Variants in PDE4D observed in about 807,000 individuals in gnomAD.
PDE4D encodes the protein 3',5'-cyclic-AMP phosphodiesterase 4D.
PDE4D carries 24 observed loss-of-function variants against 87.4 expected under a neutral mutation model. The ratio of observed to expected loss-of-function variants is 0.27; its 90% CI spans 0.20 to 0.39. The LOEUF (loss-of-function observed/expected upper bound fraction) is 0.39, where lower values mean the gene tolerates loss of function less well. Ranked by LOEUF, PDE4D falls within the 10% of genes least tolerant of loss-of-function variation. PDE4D has a pLI of 1.00. For synonymous variants in PDE4D, 384 were observed against 383.2 expected (o/e 1.00, Z -0.02); for missense variants, 714 against 1,041.0 (o/e 0.69, Z 4.32).
chr5:59,548,877 C>CT (rs1220283016), intron 1 of PDE4D, among the ~76,000 whole-genome samples: 1 of 152,098 alleles, frequency 6.6e-6, no homozygotes, highest in East Asian at 1.9e-4. Context: ...CCCACTAGAA[C>CT]TTTTTTCTGC....
At chr5:60,369,766 C>T (rs998862129) in intron 1 of PDE4D, among the ~76,000 whole-genome samples, 2 of 152,082 alleles carry the variant, frequency 1.3e-5, no homozygotes. Context: ...AGGACGAAGA[C>T]CATATAAGAC....
At chr5:59,921,971 G>C (rs1194956111) in intron 3 of PDE4D, among the ~76,000 whole-genome samples, 1 of 152,170 alleles carries the variant, frequency 6.6e-6, no homozygotes, top group African/African-American at 2.4e-5. Context: ...AGTCTTGAAT[G>C]GCCGATGCCA....
chr5:59,771,938 G>T (rs939485730), intron 1 of PDE4D, among the ~76,000 whole-genome samples: 1 of 152,112 alleles, frequency 6.6e-6, no homozygotes, highest in Non-Finnish European at 1.5e-5. Context: ...TTCTTTACAG[G>T]TCCCCATATC....
chr5:60,107,151 T>C (rs868794479), intron 2 of PDE4D, among the ~76,000 whole-genome samples: 9 of 151,428 alleles, frequency 5.9e-5, no homozygotes, highest in Admixed American at 6.6e-5. Flanking sequence ...ATCAAATAGA[T>C]GCAATAAAAA....
chr5:59,334,818 A>G (rs1777389606), intron 1 of PDE4D, among the ~76,000 whole-genome samples: 1 of 152,084 alleles, frequency 6.6e-6, no homozygotes, highest in Admixed American at 6.5e-5. Context: ...AATTAATTAC[A>G]TTCTGTGTGT....
At chr5:59,150,743 C>T (rs1186451739) in intron 5 of PDE4D, among the ~76,000 whole-genome samples, 2 of 152,130 alleles carry the variant, frequency 1.3e-5, no homozygotes, top group African/African-American at 4.8e-5. Flanking sequence ...TGGAAAGTTA[C>T]CTCATTGTAT....
chr5:59,379,459 G>T, intron 1 of PDE4D, among the ~76,000 whole-genome samples: 1 of 151,018 alleles, frequency 6.6e-6, no homozygotes, highest in East Asian at 1.9e-4. Context: ...TTGTAAATCT[G>T]GCTCATTTTC....
At chr5:59,082,282 G>T (rs1054398637) in intron 5 of PDE4D, among the ~76,000 whole-genome samples, 15 of 152,100 alleles carry the variant, frequency 9.9e-5, no homozygotes, top group Non-Finnish European at 1.8e-4. Flanking sequence ...AATTAACAAT[G>T]AAATCAGAAA....
intron 2 of PDE4D, among the ~76,000 whole-genome samples, chr5:60,062,000 G>T (rs1582450471): frequency 1.3e-5 from 2 of 152,190 alleles, no homozygotes; most frequent in East Asian, 3.9e-4. Flanking sequence ...CACGACATAG[G>T]CATGGGCAAA....
chr5:59,250,051 C>G (rs1759614449), intron 1 of PDE4D, among the ~76,000 whole-genome samples: 1 of 151,626 alleles, frequency 6.6e-6, no homozygotes, highest in African/African-American at 2.4e-5. Context: ...TGCTTTGTTG[C>G]CAGGCTGGTC....
At chr5:59,595,690 ACT>A (rs977921568) in intron 1 of PDE4D, among the ~76,000 whole-genome samples, 9 of 151,000 alleles carry the variant, frequency 6.0e-5, no homozygotes, top group Non-Finnish European at 8.9e-5. Flanking sequence ...TCTCTTTAAA[ACT>A]CTTGTGATGA....
At chr5:59,649,903 A>T (rs199872622) in intron 1 of PDE4D, among the ~76,000 whole-genome samples, 792 of 20,216 alleles carry the variant, frequency 0.039, 79 homozygotes, top group East Asian at 0.27. Flanking sequence ...TAGTTTGTGA[A>T]CCTTTTTTTT....
At chr5:59,193,703 T>C in intron 2 of PDE4D, 167 bp from the exon 3 acceptor site, 2 of 985,372 alleles carry the variant, frequency 2.0e-6, no homozygotes, top group Non-Finnish European at 2.4e-6. Flanking sequence ...GTTAAAAATA[T>C]GTCTTCTGGG....
At chr5:59,424,997 A>C (rs1794997403) in intron 1 of PDE4D, among the ~76,000 whole-genome samples, 1 of 152,232 alleles carries the variant, frequency 6.6e-6, no homozygotes, top group African/African-American at 2.4e-5. Context: ...CTGGAGCTAC[A>C]ATAATGTATT....
intron 5 of PDE4D, among the ~76,000 whole-genome samples, chr5:59,056,903 A>G (rs1198303029): frequency 1.3e-5 from 2 of 151,974 alleles, no homozygotes; most frequent in African/African-American, 4.8e-5. Context: ...AAGGGAGTGA[A>G]GAGAACCCAG....
At chr5:60,295,117 G>C (rs893321179) in intron 1 of PDE4D, among the ~76,000 whole-genome samples, 1 of 151,786 alleles carries the variant, frequency 6.6e-6, no homozygotes, top group Admixed American at 6.6e-5. Flanking sequence ...CTATTTTCTG[G>C]CATTATAAGA....
intron 1 of PDE4D, among the ~76,000 whole-genome samples, chr5:60,506,610 A>G (rs1264894575): frequency 6.6e-6 from 1 of 152,168 alleles, no homozygotes; most frequent in African/African-American, 2.4e-5. Context: ...TTTTTTAATC[A>G]GAGAAAGAAC....
At chr5:59,631,445 G>T (rs1394152944) in intron 1 of PDE4D, among the ~76,000 whole-genome samples, 1 of 152,118 alleles carries the variant, frequency 6.6e-6, no homozygotes, top group Non-Finnish European at 1.5e-5. Flanking sequence ...TTTTTCAATT[G>T]TAAGAGAATA....
At chr5:59,708,882 A>G (rs1222483197) in intron 1 of PDE4D, among the ~76,000 whole-genome samples, 1 of 151,758 alleles carries the variant, frequency 6.6e-6, no homozygotes, top group Non-Finnish European at 1.5e-5. Flanking sequence ...GCATTGGCTG[A>G]AAAGTCTTAA....
Sources: allele counts gnomAD v4.1 joint callset (sites outside exome capture counted in the v4.1 genomes callset), GRCh38; gene constraint gnomAD v4.1.1; transcripts MANE v1.5; gene names NCBI Gene and HGNC (gene_info 2026-07-23, HGNC 2026-07-21).